The following NIPAL2 variants were observed in gnomAD, a reference collection of about 807,000 sequenced individuals.
The protein encoded by NIPAL2 is NIPA-like protein 2.
In NIPAL2, 43 loss-of-function variants were observed where a neutral mutation model predicts 48.9. That is an observed-to-expected ratio of 0.88 (90% CI 0.69 to 1.13). NIPAL2 has a LOEUF of 1.13. Among genes scored for constraint, NIPAL2 ranks in the 50% most tolerant of loss-of-function variants. The pLI, the probability that NIPAL2 is intolerant of heterozygous loss-of-function variation, is 0.00. For missense variants in NIPAL2, 446 were observed against 461.4 expected (o/e 0.97, Z 0.31); for synonymous variants, 167 against 174.6 (o/e 0.96, Z 0.34).
chr8:98,226,385 G>C (rs1487064081), intron 4 of NIPAL2, among the ~76,000 whole-genome samples: 1 of 152,092 alleles, frequency 6.6e-6, no homozygotes, highest in African/African-American at 2.4e-5. Flanking sequence ...GTATTTTAGG[G>C]AACTTGGGTA....
At chr8:98,275,503 T>C (rs1431901814) in intron 1 of NIPAL2, among the ~76,000 whole-genome samples, 1 of 152,200 alleles carries the variant, frequency 6.6e-6, no homozygotes, top group African/African-American at 2.4e-5. Flanking sequence ...TATTCACTCA[T>C]TGAATGACTT....
intron 5 of NIPAL2, among the ~76,000 whole-genome samples, chr8:98,214,566 T>G (rs1449635564): frequency 6.6e-6 from 1 of 152,062 alleles, no homozygotes; most frequent in African/African-American, 2.4e-5. Flanking sequence ...TTTTTTTCTT[T>G]TTTTTTTAAC....
Position 98,294,223 on chromosome 8 carries a change from C to G in NIPAL2, c.-86G>C. Reference sequence around the variant, plus strand: ...GCACCGCGAGGAGGCCGCGCCGCAGCCACTTCCTGCTCGGTGCCCGGGCGA... The same window carrying G: ...GCACCGCGAGGAGGCCGCGCCGCAGGCACTTCCTGCTCGGTGCCCGGGCGA... On this transcript the variant is annotated 5_prime_UTR_variant, in exon 1 of 11. Coordinates refer to ENST00000430223, the MANE Select transcript of NIPAL2 (RefSeq NM_001321635.2). 1 of 1,194,050 alleles carries G rather than the reference C, an allele frequency of 8.4e-7. No individual in the cohort carries two copies. Among genetic ancestry groups the G allele is most frequent in the Non-Finnish European group, 1.0e-6 (1 of 964,176 alleles). The allele number at this position is 1,194,050 out of a possible 1,614,324, so 74.0% of individuals were successfully genotyped here. A position where few individuals can be genotyped will look rare whatever the true frequency, so the allele number is the denominator to read the frequency against.
chr8:98,241,244 G>T (rs1812965634), intron 3 of NIPAL2, among the ~76,000 whole-genome samples: 1 of 152,208 alleles, frequency 6.6e-6, no homozygotes, highest in Non-Finnish European at 1.5e-5. Flanking sequence ...CACAACCCCA[G>T]TGGATAAATG....
At chr8:98,260,325 C>T (rs900555266) in intron 1 of NIPAL2, among the ~76,000 whole-genome samples, 49 of 152,190 alleles carry the variant, frequency 3.2e-4, no homozygotes, top group Admixed American at 2.0e-4. Context: ...CCAGTGTGAG[C>T]GACGCAGAAG....
Position 98,294,110 on chromosome 8 carries a change from CG to C in NIPAL2, c.27del (p.Asp11ThrfsTer12), listed in dbSNP as rs1476414595. On this transcript the variant is annotated frameshift_variant, in exon 1 of 11. Coordinates refer to ENST00000430223, the MANE Select transcript of NIPAL2 (RefSeq NM_001321635.2). LOFTEE classifies it high-confidence loss of function. The part of the protein sequence containing the change: MAAVAPAG[P>X]GDSASAALDE... The stretch of plus-strand genomic sequence containing the variant: ...TCCAGGGCGGCCGAGGCGGAGTCCC[CG>C]GGGCCCGCGGGCGCCACCGCTGCCA... 2 of 1,473,666 alleles carry C rather than the reference CG, an allele frequency of 1.4e-6. No homozygotes were observed. Among genetic ancestry groups the C allele is most frequent in the Non-Finnish European group, 1.8e-6 (2 of 1,111,600 alleles). 91.3% of individuals were successfully genotyped at this position (1,473,666 alleles called of 1,614,324 possible).
At chr8:98,274,250 CATCT>C (rs561140286) in intron 1 of NIPAL2, among the ~76,000 whole-genome samples, 255 of 151,796 alleles carry the variant, frequency 1.7e-3, no homozygotes, top group East Asian at 7.3e-3. Flanking sequence ...CATATTCTAT[CATCT>C]ATCTATCTAT....
At chr8:98,280,314 T>G (rs1005694306) in intron 1 of NIPAL2, among the ~76,000 whole-genome samples, 1 of 152,220 alleles carries the variant, frequency 6.6e-6, no homozygotes, top group Non-Finnish European at 1.5e-5. Flanking sequence ...CAGTAATGGT[T>G]GTATGCAACC....
rs116580791 is a variant in NIPAL2, at chr8:98,227,865, A to G, written c.437-5265T>C. Among the ~76,000 whole-genome samples the G allele has an allele frequency of 6.9e-3, 1,052 of 152,242 alleles. 12 individuals carry two copies. The highest frequency in any genetic ancestry group is 0.023 in the African/African-American group (956 of 41,534). The stretch of plus-strand genomic sequence containing the variant: ...TTCTTGTGGCCTAGAGAGCCTTTCA[A>G]GTTTATTTAGGACCCCAGAGCCTTT... On this transcript the variant is annotated intron_variant, in intron 4 of 10. Coordinates refer to ENST00000430223, the MANE Select transcript of NIPAL2 (RefSeq NM_001321635.2).
At position 98,252,452 on chromosome 8, in the gene NIPAL2, G is replaced by T; in HGVS notation, c.376+11C>A. The T allele has an allele frequency of 6.3e-7, 1 of 1,577,632 alleles. No individual in the cohort carries two copies. Among genetic ancestry groups the T allele is most frequent in the Non-Finnish European group, 8.6e-7 (1 of 1,160,338 alleles). ...TTAAGTTTCTATTTGTCAAAATACA[G>T]AATGGCTTACCTGTAACAGACACAC... On this transcript the variant is annotated intron_variant, in intron 3 of 10. Coordinates refer to ENST00000430223, the MANE Select transcript of NIPAL2 (RefSeq NM_001321635.2).
intron 3 of NIPAL2, among the ~76,000 whole-genome samples, chr8:98,243,342 GT>G (rs1813098717): frequency 6.6e-6 from 1 of 152,190 alleles, no homozygotes; most frequent in Non-Finnish European, 1.5e-5. Context: ...TTGGATTCAG[GT>G]TTCCAGATGA....
intron 8 of NIPAL2, among the ~76,000 whole-genome samples, chr8:98,198,611 A>T (rs1009549923): frequency 6.6e-6 from 1 of 152,272 alleles, no homozygotes; most frequent in African/African-American, 2.4e-5. Context: ...TAGATGTTCC[A>T]GACAACTTGC....
intron 1 of NIPAL2, among the ~76,000 whole-genome samples, chr8:98,261,032 C>T (rs972675512): frequency 1.1e-4 from 16 of 152,148 alleles, no homozygotes; most frequent in Admixed American, 1.3e-4. Flanking sequence ...ACACCTCACA[C>T]GGCAGGGTAT....
chr8:98,233,621 G>T (rs901754840), intron 4 of NIPAL2, among the ~76,000 whole-genome samples: 1 of 152,160 alleles, frequency 6.6e-6, no homozygotes, highest in South Asian at 2.1e-4. Context: ...GAAGTTATGA[G>T]AGTCAGTTTA....
intron 3 of NIPAL2, among the ~76,000 whole-genome samples, chr8:98,243,014 T>C (rs867278283): frequency 2.6e-5 from 4 of 151,636 alleles, no homozygotes; most frequent in African/African-American, 9.7e-5. Flanking sequence ...TCTGTAGGAG[T>C]CATGGGGGGC....
At chr8:98,233,382 T>A (rs1812543645) in intron 4 of NIPAL2, among the ~76,000 whole-genome samples, 1 of 152,048 alleles carries the variant, frequency 6.6e-6, no homozygotes, top group Admixed American at 6.6e-5. Context: ...CCCTTCCTTA[T>A]ATTACATTTT....
At chr8:98,286,831 A>C (rs1301598655) in intron 1 of NIPAL2, among the ~76,000 whole-genome samples, 2 of 146,880 alleles carry the variant, frequency 1.4e-5, no homozygotes, top group Admixed American at 6.7e-5. Context: ...AAAAAAAAAA[A>C]AAACCAAAAA....
intron 1 of NIPAL2, 136 bp downstream of exon 1, chr8:98,293,867 T>C (rs1816622883): frequency 1.2e-6 from 1 of 811,384 alleles, no homozygotes; most frequent in Non-Finnish European, 1.7e-6. Flanking sequence ...ACATTGCATG[T>C]CACCTCTTCC....
intron 1 of NIPAL2, among the ~76,000 whole-genome samples, chr8:98,279,047 TA>T (rs1272753320): frequency 5.3e-5 from 8 of 152,248 alleles, no homozygotes; most frequent in African/African-American, 1.9e-4. Flanking sequence ...ATCCTCTGTA[TA>T]AACTGATACA....
Sources: gnomAD v4.1 joint callset for allele counts (sites outside exome capture counted in the v4.1 genomes callset) on GRCh38, gnomAD v4.1.1 for gene constraint, MANE v1.5 for transcripts, NCBI Gene and HGNC (gene_info 2026-07-23, HGNC 2026-07-21) for gene names.